Variants in DERA observed in about 807,000 individuals in gnomAD.
DERA encodes deoxyribose-phosphate aldolase, also known as 2-deoxy-D-ribose 5-phosphate aldolase.
A neutral mutation model predicts 41.1 loss-of-function variants in DERA; 15 were observed. The observed-to-expected ratio is 0.37, with a 90% CI of 0.24 to 0.56. The LOEUF is 0.56. DERA is among the 20% of genes least tolerant of loss of function. The pLI is 0.81. For synonymous variants in DERA, 139 were observed against 137.4 expected, an observed-to-expected ratio of 1.01 and a Z score of -0.08; for missense variants, 396 against 403.4, an observed-to-expected ratio of 0.98 and a Z score of 0.16.
At chr12:15,973,026 C>T (rs985259774) in intron 5 of DERA, among the ~76,000 whole-genome samples, 2 of 152,020 alleles carry the variant, frequency 1.3e-5, no homozygotes, top group African/African-American at 2.4e-5. Context: ...CTCATTGTGG[C>T]CGAGTGCTCT....
chr12:15,911,870 A>G lies in DERA; in HGVS notation c.31+456A>G, dbSNP rs1221308534. The G allele has an allele frequency of 4.6e-6, 2 of 433,106 alleles. No individual in the cohort carries two copies. The highest frequency in any genetic ancestry group is 2.0e-5 in the African/African-American group (1 of 48,918). The allele number at this position is 433,106 out of a possible 1,614,324, so 26.8% of individuals were successfully genotyped here. A position where few individuals can be genotyped will look rare whatever the true frequency, so the allele number is the denominator to read the frequency against. On this transcript the variant is annotated intron_variant, in intron 1 of 8. Transcript: ENST00000428559. This position sits in a 1 kb window ranked among gnomAD's most constrained non-coding sequence, Gnocchi z 4.5. The stretch of plus-strand genomic sequence containing the variant: ...CCTTGAAGTGGCCGTGCTCGTGGAA[A>G]AGTTGTCAGCCGTCTGTGCTCAAAA...
chr12:16,030,828 T>C (rs1949087810), intron 6 of DERA, among the ~76,000 whole-genome samples: 1 of 152,226 alleles, frequency 6.6e-6, no homozygotes, highest in Non-Finnish European at 1.5e-5. Flanking sequence ...GAGCAGAGTC[T>C]GGCACATGGT....
In DERA at chr12:16,025,423, G is replaced by A. The variant is rs375879808; in HGVS notation, c.638-7119G>A. Reference sequence around the variant, plus strand: ...TAGCTATATGAATTTCACACAAAGCGGACTTCAGAAAAAGGAACACTATCA... The same window carrying A: ...TAGCTATATGAATTTCACACAAAGCAGACTTCAGAAAAAGGAACACTATCA... On this transcript the variant is annotated intron_variant, in intron 6 of 8. Transcript: ENST00000428559. 8.6e-5 allele frequency among the ~76,000 whole-genome samples: 13 copies of A among 152,000 alleles called. No homozygotes were observed. In the South Asian group the frequency reaches 1.7e-3, roughly 19 times the overall value.
At chr12:15,963,530 T>G (rs1027003719) in intron 5 of DERA, among the ~76,000 whole-genome samples, 7 of 152,212 alleles carry the variant, frequency 4.6e-5, no homozygotes, top group African/African-American at 1.4e-4. Context: ...AGCTTTTGTT[T>G]TTTTAAACAG....
intron 1 of DERA, among the ~76,000 whole-genome samples, chr12:15,949,077 T>C (rs1948475034): frequency 6.6e-6 from 1 of 152,080 alleles, no homozygotes; most frequent in Non-Finnish European, 1.5e-5. Context: ...CTCAGAGGGG[T>C]AACCGGCCGT....
In DERA at chr12:15,940,903, A is replaced by G. The variant is rs2136136143; in HGVS notation, c.32-16033A>G. On this transcript the variant is annotated intron_variant, in intron 1 of 8. Coordinates refer to ENST00000428559, the MANE Select transcript of DERA (RefSeq NM_015954.4). The surrounding 1 kb of genome is among the most constrained non-coding windows in gnomAD (Gnocchi z 5.1). ...TATATAAATAGATAGATAGATAGATATCTTTGGTTTCCATAGCACGTGGCA... is the reference window on the plus strand; with the variant it reads ...TATATAAATAGATAGATAGATAGATGTCTTTGGTTTCCATAGCACGTGGCA... Among the ~76,000 whole-genome samples, 1 of 152,344 alleles carries G rather than the reference A, an allele frequency of 6.6e-6. No homozygotes were observed. The highest frequency in any genetic ancestry group is 2.1e-4 in the South Asian group (1 of 4,828).
At chr12:15,948,338 A>G (rs1948467828) in intron 1 of DERA, among the ~76,000 whole-genome samples, 1 of 152,192 alleles carries the variant, frequency 6.6e-6, no homozygotes, top group Admixed American at 6.5e-5. Flanking sequence ...TTTCAGGTAC[A>G]CCAATCAGGT....
intron 6 of DERA, among the ~76,000 whole-genome samples, chr12:15,986,593 A>G (rs375780483): frequency 3.3e-4 from 50 of 152,312 alleles, no homozygotes; most frequent in African/African-American, 1.2e-3. Context: ...GAAGAACCTT[A>G]CAACAGTTTA....
intron 1 of DERA, among the ~76,000 whole-genome samples, chr12:15,950,585 G>T (rs1948490095): frequency 6.6e-6 from 1 of 152,154 alleles, no homozygotes. Context: ...CCCAGCCCCT[G>T]TGCAAGATGG....
Position 15,936,850 on chromosome 12 carries a change from G to GTTGTCTTGTC in DERA, c.32-20055_32-20046dup, listed in dbSNP as rs71438362. Among the ~76,000 whole-genome samples the GTTGTCTTGTC allele has an allele frequency of 0.012, 1,504 of 129,384 alleles. 18 individuals carry two copies. The highest frequency in any genetic ancestry group is 0.024 in the East Asian group (111 of 4,580). The allele number at this position is 129,384 out of a possible 152,430, so 84.9% of individuals were successfully genotyped here. A position where few individuals can be genotyped will look rare whatever the true frequency, so the allele number is the denominator to read the frequency against. ...CTTATTTCTGCATCTTCTGTCTTGT[G>GTTGTCTTGTC]TTGTCTTGTCTTGTCTTGTCTTGTC... On this transcript the variant is annotated intron_variant, in intron 1 of 8. Transcript: ENST00000428559. This position sits in a 1 kb window ranked among gnomAD's most constrained non-coding sequence, Gnocchi z 4.6.
intron 1 of DERA, among the ~76,000 whole-genome samples, chr12:15,952,674 C>G (rs1948507510): frequency 6.6e-6 from 1 of 152,168 alleles, no homozygotes; most frequent in African/African-American, 2.4e-5. Context: ...TGTACTGAAT[C>G]TTTGAAATCT....
Position 16,020,344 on chromosome 12 carries a change from G to A in DERA, c.638-12198G>A, listed in dbSNP as rs367871558. Among the ~76,000 whole-genome samples, 1 of 152,072 alleles carries A rather than the reference G, an allele frequency of 6.6e-6. No individual in the cohort carries two copies. Among genetic ancestry groups the A allele is most frequent in the Admixed American group, 6.5e-5 (1 of 15,274 alleles). ...CCAGATCTCATATTAACTCACTATT[G>A]CGAGAACAGCACGAAAGGGGAAATC... On this transcript the variant is annotated intron_variant, in intron 6 of 8. Transcript: ENST00000428559. The surrounding 1 kb of genome is among the most constrained non-coding windows in gnomAD (Gnocchi z 5.5).
At chr12:15,953,286 T>C (rs1363159449) in intron 1 of DERA, among the ~76,000 whole-genome samples, 2 of 152,136 alleles carry the variant, frequency 1.3e-5, no homozygotes, top group East Asian at 3.8e-4. Context: ...AAAATCAAAA[T>C]AGAAAAAGCG....
intron 6 of DERA, among the ~76,000 whole-genome samples, chr12:16,015,219 CT>C (rs1374287719): frequency 6.6e-6 from 1 of 152,156 alleles, no homozygotes; most frequent in Non-Finnish European, 1.5e-5. Flanking sequence ...GGACATGAGA[CT>C]TGGGAAGGGC....
At chr12:16,022,249 C>G (rs1022451811) in intron 6 of DERA, among the ~76,000 whole-genome samples, 1 of 152,190 alleles carries the variant, frequency 6.6e-6, no homozygotes, top group Non-Finnish European at 1.5e-5. Flanking sequence ...TTCCCTCTCT[C>G]TCTCTTGCTC....
intron 6 of DERA, among the ~76,000 whole-genome samples, chr12:16,018,348 C>T (rs1948997551): frequency 1.3e-5 from 2 of 152,236 alleles, no homozygotes; most frequent in African/African-American, 2.4e-5. Flanking sequence ...TTGCAGTCTG[C>T]ATTTAATAAC....
chr12:15,969,493 A>T (rs1001564263), intron 5 of DERA, among the ~76,000 whole-genome samples: 8 of 152,160 alleles, frequency 5.3e-5, no homozygotes, highest in African/African-American at 1.9e-4. Context: ...TCTTATGTTC[A>T]ATGGGCAATT....
At chr12:15,912,091 A>C (rs1428679814) in intron 1 of DERA, among the ~76,000 whole-genome samples, 1 of 150,868 alleles carries the variant, frequency 6.6e-6, no homozygotes, top group South Asian at 2.1e-4. Context: ...GTCATAGGAC[A>C]GTAGTGGAGG....
chr12:16,010,409 G>A lies in DERA; in HGVS notation c.638-22133G>A, dbSNP rs1165269431. Among the ~76,000 whole-genome samples the A allele has an allele frequency of 6.6e-6, 1 of 151,832 alleles. No homozygotes were observed. The highest frequency in any genetic ancestry group is 1.5e-5 in the Non-Finnish European group (1 of 68,012). ...ATCCCAGTGATATAAAACATGATCT[G>A]GCAAAATTTGATGGTGACCTTTTCT... On this transcript the variant is annotated intron_variant, in intron 6 of 8. Coordinates refer to ENST00000428559, the MANE Select transcript of DERA (RefSeq NM_015954.4). This position sits in a 1 kb window ranked among gnomAD's most constrained non-coding sequence, Gnocchi z 5.5.
Sources: allele counts gnomAD v4.1 joint callset (sites outside exome capture counted in the v4.1 genomes callset), GRCh38; gene constraint gnomAD v4.1.1; non-coding constraint Gnocchi (gnomAD v3.1); transcripts MANE v1.5; gene names NCBI Gene and HGNC (gene_info 2026-07-23, HGNC 2026-07-21).